The following PRDM15 variants were observed in gnomAD, a reference collection of about 807,000 sequenced individuals.
PRDM15 encodes the protein PR/SET domain 15, also known as PR domain zinc finger protein 15.
In PRDM15, 64 loss-of-function variants were observed where a neutral mutation model predicts 128.6. That is an observed-to-expected ratio of 0.50 (90% CI 0.41 to 0.61). The LOEUF (loss-of-function observed/expected upper bound fraction) is 0.61, where lower values mean the gene tolerates loss of function less well. PRDM15 is among the 20% of genes least tolerant of loss of function. The pLI, the probability that PRDM15 is intolerant of heterozygous loss-of-function variation, is 0.00. For synonymous variants in PRDM15, 615 were observed against 621.8 expected (o/e 0.99, Z 0.16); for missense variants, 1,242 against 1,569.1 (o/e 0.79, Z 3.52).
In PRDM15 at chr21:41,862,022, C is replaced by T. The variant is rs1421143788; in HGVS notation, c.-9-1650G>A. On this transcript the variant is annotated intron_variant, in intron 1 of 23. Transcript: ENST00000398548. This position sits in a 1 kb window ranked among gnomAD's most constrained non-coding sequence, Gnocchi z 4.1. ...TGCCCCAGTTCCTGTGGATGGGCAC[C>T]TCGGCGCAAATAGGGACCAGTCTGG... 6.2e-7 allele frequency: 1 copy of T among 1,601,714 alleles called. No homozygotes were observed. The highest frequency in any genetic ancestry group is 2.2e-5 in the East Asian group (1 of 44,776).
At chr21:41,867,992 T>TGCTGCAGTGAGACGAGATCC (rs2064072256) in intron 1 of PRDM15, among the ~76,000 whole-genome samples, 1 of 148,698 alleles carries the variant, frequency 6.7e-6, no homozygotes. Flanking sequence ...GGGAGGTGGA[T>TGCTGCAGTGAGACGAGATCC]GCTGCAGTGA....
At position 41,820,183 on chromosome 21, in the gene PRDM15, A is replaced by G; in HGVS notation, c.2061-9T>C. Reference sequence around the variant, plus strand: ...CGCAGGGGTGGATGTACCTGAAACCAGAGACAAGCTCAGGATGGCCGCACA... The same window carrying G: ...CGCAGGGGTGGATGTACCTGAAACCGGAGACAAGCTCAGGATGGCCGCACA... On this transcript the variant is annotated splice_polypyrimidine_tract_variant and intron_variant, in intron 16 of 23. Transcript: ENST00000398548. 6.2e-7 allele frequency: 1 copy of G among 1,612,906 alleles called. No individual in the cohort carries two copies. Among genetic ancestry groups the G allele is most frequent in the South Asian group, 1.1e-5 (1 of 90,922 alleles).
At chr21:41,824,267 T>G (rs1009072940) in intron 13 of PRDM15, among the ~76,000 whole-genome samples, 1 of 152,202 alleles carries the variant, frequency 6.6e-6, no homozygotes, top group Non-Finnish European at 1.5e-5. Flanking sequence ...TTCCAAGATG[T>G]GCAGATGACT....
chr21:41,878,675 G>T, intron 1 of PRDM15: 1 of 1,518,184 alleles, frequency 6.6e-7, no homozygotes, highest in Non-Finnish European at 8.9e-7. Flanking sequence ...AGGCGCAGGG[G>T]GTCTGGGAGA....
At chr21:41,824,292 T>C (rs975004838) in intron 13 of PRDM15, among the ~76,000 whole-genome samples, 3 of 152,210 alleles carry the variant, frequency 2.0e-5, no homozygotes, top group African/African-American at 4.8e-5. Context: ...CTGACAGCGC[T>C]GTGCCCCATC....
rs73357736 is a variant in PRDM15 at position 41,828,856 on chromosome 21, C to G, written c.1367-523G>C. 0.022 allele frequency among the ~76,000 whole-genome samples: 3,346 copies of G among 151,916 alleles called. 119 individuals are homozygous for G. Among genetic ancestry groups the G allele is most frequent in the African/African-American group, 0.076 (3,156 of 41,382 alleles). On this transcript the variant is annotated intron_variant, in intron 11 of 23. Coordinates refer to ENST00000398548, the MANE Select transcript of PRDM15 (RefSeq NM_001040424.3). The surrounding 1 kb of genome is among the most constrained non-coding windows in gnomAD (Gnocchi z 5.7). Reference sequence around the variant, plus strand: ...GGGCGGGCATCAATGTGCCCATATTCCCCCCTTCACCCAAATCCTCCTCAG... The same window carrying G: ...GGGCGGGCATCAATGTGCCCATATTGCCCCCTTCACCCAAATCCTCCTCAG...
intron 3 of PRDM15, 92 bp from the exon 4 acceptor site, chr21:41,857,421 G>A (rs887597073): frequency 2.9e-5 from 39 of 1,337,684 alleles, no homozygotes; most frequent in African/African-American, 2.0e-4. Flanking sequence ...CTCACTGACC[G>A]CCAGGGTTCT....
At chr21:41,848,671 A>G (rs1401622965) in intron 5 of PRDM15, among the ~76,000 whole-genome samples, 1 of 152,226 alleles carries the variant, frequency 6.6e-6, no homozygotes. Context: ...CCACTTCTGA[A>G]TAAGGGGAAT....
At chr21:41,808,622 A>C (rs2061756694) in intron 21 of PRDM15, among the ~76,000 whole-genome samples, 1 of 152,264 alleles carries the variant, frequency 6.6e-6, no homozygotes, top group Non-Finnish European at 1.5e-5. Context: ...AACAAGAGAG[A>C]AATCACTGTG....
intron 5 of PRDM15, among the ~76,000 whole-genome samples, chr21:41,853,940 T>G (rs2063502283): frequency 6.6e-6 from 1 of 152,200 alleles, no homozygotes; most frequent in African/African-American, 2.4e-5. Context: ...TGCTGTTTCC[T>G]CCGTCCAAAG....
chr21:41,853,426 C>G (rs1049842242), intron 5 of PRDM15, among the ~76,000 whole-genome samples: 5 of 152,132 alleles, frequency 3.3e-5, no homozygotes, highest in Admixed American at 3.3e-4. Flanking sequence ...CTATTTCGCC[C>G]CCTTGAGCAA....
At chr21:41,809,946 G>C (rs928434390) in intron 21 of PRDM15, among the ~76,000 whole-genome samples, 2 of 152,196 alleles carry the variant, frequency 1.3e-5, no homozygotes, top group South Asian at 4.1e-4. Flanking sequence ...CCTTAGCAAA[G>C]GTCCGCCTGA....
At chr21:41,820,204 G>A (rs747446695) in intron 16 of PRDM15, 30 bp from the exon 17 acceptor site, 10 of 1,590,624 alleles carry the variant, frequency 6.3e-6, no homozygotes, top group South Asian at 4.5e-5. Flanking sequence ...CAGGATGGCC[G>A]CACAGCCTCG....
At chr21:41,803,450 G>C (rs1479089451) in intron 22 of PRDM15, among the ~76,000 whole-genome samples, 1 of 152,236 alleles carries the variant, frequency 6.6e-6, no homozygotes, top group Non-Finnish European at 1.5e-5. Context: ...CCAGGACACT[G>C]CTGGGCTGTG....
rs1033996964 is a variant in PRDM15, at chr21:41,800,112, TA to T, written c.*1127del. The T allele has an allele frequency of 2.6e-5, 4 of 152,274 alleles. No homozygotes were observed. The highest frequency in any genetic ancestry group is 5.9e-5 in the Non-Finnish European group (4 of 68,044). 9.4% of individuals were successfully genotyped at this position (152,274 alleles called of 1,614,324 possible). On this transcript the variant is annotated 3_prime_UTR_variant, in exon 24 of 24. Coordinates refer to ENST00000398548, the MANE Select transcript of PRDM15 (RefSeq NM_001040424.3). ...ATTTTCTCTGTGTTTCAGAAATACC[TA>T]CACTTTTCCATTGTAAAGAGCCAAA... is the stretch of plus-strand genomic sequence containing the variant.
chr21:41,850,313 A>ACACTCTGCTCCTGGTGCCCCCCCC (rs760550562), intron 5 of PRDM15, among the ~76,000 whole-genome samples: 1 of 142,076 alleles, frequency 7.0e-6, no homozygotes, highest in African/African-American at 2.6e-5. Flanking sequence ...GTGCCCCCCC[A>ACACTCTGCTCCTGGTGCCCCCCCC]ACACTCTCCT....
In PRDM15 at chr21:41,801,265, T is replaced by A; in HGVS notation, c.3401A>T (p.Gln1134Leu). 1 of 1,535,680 alleles carries A rather than the reference T, an allele frequency of 6.5e-7. No individual in the cohort carries two copies. Among genetic ancestry groups the A allele is most frequent in the African/African-American group, 1.4e-5 (1 of 72,588 alleles). The change falls in exon 24 of 24, where the codon CAG becomes CTG. Residue 1134 changes from glutamine to leucine, a missense_variant. By Grantham distance (113) the Gln-to-Leu change is moderately radical. This residue lies in a region of PRDM15 where 602 missense variants were observed against 788.3 expected (regional missense o/e 0.76). Transcript: ENST00000398548. The stretch of plus-strand genomic sequence containing the variant: ...TCAGTAGCTGTACATCTGCTGCTGC[T>A]GCTGCTCCGCCTGCACCTGGGGCTG... ...AAQPQVQAEQ[Q>L]QQQMYSY is the part of the protein sequence containing the mutation.
At chr21:41,878,642 C>A in intron 1 of PRDM15, 1 of 1,145,698 alleles carries the variant, frequency 8.7e-7, no homozygotes, top group Non-Finnish European at 1.2e-6. Flanking sequence ...CTTCTCTCTG[C>A]CACCAAAAGG....
chr21:41,818,249 C>T (rs746533983), intron 18 of PRDM15, among the ~76,000 whole-genome samples: 1 of 152,200 alleles, frequency 6.6e-6, no homozygotes, highest in Non-Finnish European at 1.5e-5. Flanking sequence ...CCCGCTAAGG[C>T]AGGCAGACAC....
Sources: gnomAD v4.1 joint callset for allele counts (sites outside exome capture counted in the v4.1 genomes callset) on GRCh38, gnomAD v4.1.1 for gene constraint, gnomAD v4.1.1 regional missense constraint, Gnocchi (gnomAD v3.1) non-coding constraint, MANE v1.5 for transcripts, NCBI Gene and HGNC (gene_info 2026-07-23, HGNC 2026-07-21) for gene names.